The following PTPRD variants were observed in gnomAD, a reference collection of about 807,000 sequenced individuals.
PTPRD encodes receptor-type tyrosine-protein phosphatase delta.
Under a neutral mutation model 214.5 loss-of-function variants are expected in PTPRD, and 34 were observed. The observed-to-expected ratio is 0.16, with a 90% CI of 0.12 to 0.21. The LOEUF (loss-of-function observed/expected upper bound fraction) is 0.21, where lower values mean the gene tolerates loss of function less well. Ranked by LOEUF, PTPRD falls within the 10% of genes least tolerant of loss-of-function variation. The probability of loss-of-function intolerance (pLI) is 1.00; values close to 1 mark genes in which losing one functional copy is unlikely to be tolerated. For missense variants in PTPRD, 2,545 were observed against 2,398.7 expected (o/e 1.06, Z -1.27); for synonymous variants, 1,128 against 845.7 (o/e 1.33, Z -5.79).
intron 12 of PTPRD, among the ~76,000 whole-genome samples, chr9:8,727,456 G>A (rs1216260013): frequency 1.3e-5 from 2 of 152,114 alleles, no homozygotes; most frequent in Non-Finnish European, 2.9e-5. Flanking sequence ...AGGGGAGGAA[G>A]GAAGAGGGAG....
intron 3 of PTPRD, among the ~76,000 whole-genome samples, chr9:10,199,903 G>GCACACA (rs560068727): frequency 1.3e-5 from 2 of 149,334 alleles, no homozygotes; most frequent in African/African-American, 2.5e-5. Flanking sequence ...GCACTCGCGC[G>GCACACA]CACACACGCA....
chr9:8,500,558 GAAAAAAA>G (rs146807692), intron 24 of PTPRD, among the ~76,000 whole-genome samples, 189 bp downstream of exon 24: 124 of 14,250 alleles, frequency 8.7e-3, no homozygotes, highest in African/African-American at 0.035. Flanking sequence ...TGAAAAAAAT[GAAAAAAA>G]AAAAAAAAAA....
At chr9:9,567,601 T>C (rs1203283201) in intron 8 of PTPRD, among the ~76,000 whole-genome samples, 2 of 151,998 alleles carry the variant, frequency 1.3e-5, no homozygotes, top group Admixed American at 6.6e-5. Context: ...AAAGTATTAA[T>C]TCAAGAAGGA....
At chr9:8,840,026 A>G (rs12685598) in intron 11 of PTPRD, among the ~76,000 whole-genome samples, 3,005 of 152,346 alleles carry the variant, frequency 0.02, 85 homozygotes, top group South Asian at 0.088. Flanking sequence ...TATAAGCAAC[A>G]TATTTTTCCT....
At position 9,325,838 on chromosome 9, in the gene PTPRD, A is replaced by G. The variant is rs374405854; in HGVS notation, c.-203+71611T>C. On this transcript the variant is annotated intron_variant, in intron 9 of 45. Coordinates refer to ENST00000381196, the MANE Select transcript of PTPRD (RefSeq NM_002839.4). ...AATACTGGCTGTGGGCTTGTCATAAATAACTCTTATTATTTTGAGATATGT... is the reference window on the plus strand; with the variant it reads ...AATACTGGCTGTGGGCTTGTCATAAGTAACTCTTATTATTTTGAGATATGT... Among the ~76,000 whole-genome samples the G allele has an allele frequency of 9.2e-5, 14 of 152,322 alleles. No individual in the cohort carries two copies. In the East Asian group the frequency reaches 1.7e-3, roughly 19 times the overall value.
At chr9:10,154,577 A>G (rs2099082043) in intron 3 of PTPRD, among the ~76,000 whole-genome samples, 1 of 152,152 alleles carries the variant, frequency 6.6e-6, no homozygotes, top group African/African-American at 2.4e-5. Context: ...GTTGTCTTCC[A>G]GAGTTTTTAT....
chr9:10,029,737 A>G (rs2097016794), intron 4 of PTPRD, among the ~76,000 whole-genome samples: 2 of 152,122 alleles, frequency 1.3e-5, no homozygotes, highest in Admixed American at 1.3e-4. Context: ...GTCTCAGATG[A>G]GACTTTGGAC....
intron 3 of PTPRD, among the ~76,000 whole-genome samples, chr9:10,140,399 A>G (rs1384735634): frequency 6.6e-6 from 1 of 152,070 alleles, no homozygotes; most frequent in Admixed American, 6.6e-5. Flanking sequence ...AGACGCAACA[A>G]AAAATGATAA....
chr9:10,126,444 C>T lies in PTPRD; in HGVS notation c.-544-92654G>A, dbSNP rs1377214179. ...TTATATATACACACACACACACACA[C>T]ACACACACACACACACACATTGATA... On this transcript the variant is annotated intron_variant, in intron 3 of 45. Coordinates refer to ENST00000381196, the MANE Select transcript of PTPRD (RefSeq NM_002839.4). 4.7e-4 allele frequency among the ~76,000 whole-genome samples: 71 copies of T among 151,548 alleles called. 1 individual carries two copies. The highest frequency in any genetic ancestry group is 1.6e-3 in the African/African-American group (65 of 41,340).
intron 3 of PTPRD, among the ~76,000 whole-genome samples, chr9:10,092,102 C>T (rs927365852): frequency 6.6e-6 from 1 of 151,314 alleles, no homozygotes; most frequent in African/African-American, 2.4e-5. Flanking sequence ...GCCAGAGTTC[C>T]ATGCAACGAG....
chr9:9,345,920 T>C (rs1286037565), intron 9 of PTPRD, among the ~76,000 whole-genome samples: 2 of 152,202 alleles, frequency 1.3e-5, no homozygotes, highest in Non-Finnish European at 1.5e-5. Flanking sequence ...TAGTGGCTCT[T>C]TGATATTTCA....
chr9:9,329,582 C>T (rs2041529546), intron 9 of PTPRD, among the ~76,000 whole-genome samples: 1 of 152,160 alleles, frequency 6.6e-6, no homozygotes, highest in Non-Finnish European at 1.5e-5. Context: ...CATCCTAACC[C>T]CATAGCCTGC....
chr9:10,538,107 T>G (rs1212856649), intron 2 of PTPRD, among the ~76,000 whole-genome samples: 1 of 152,056 alleles, frequency 6.6e-6, no homozygotes, highest in Middle Eastern at 3.2e-3. Context: ...TAACTCTGAT[T>G]GGCCCAGCTT....
intron 2 of PTPRD, among the ~76,000 whole-genome samples, chr9:10,462,999 C>A (rs977638431): frequency 6.7e-6 from 1 of 150,020 alleles, no homozygotes; most frequent in African/African-American, 2.4e-5. Context: ...ATATATATGC[C>A]ATACTCATTT....
intron 10 of PTPRD, among the ~76,000 whole-genome samples, chr9:9,131,667 T>C (rs1238242497): frequency 3.3e-5 from 5 of 152,118 alleles, no homozygotes; most frequent in African/African-American, 1.2e-4. Flanking sequence ...TCTTAATTAA[T>C]TGAAATATCA....
At chr9:8,564,793 A>G (rs2088208398) in intron 14 of PTPRD, among the ~76,000 whole-genome samples, 1 of 152,166 alleles carries the variant, frequency 6.6e-6, no homozygotes, top group Non-Finnish European at 1.5e-5. Flanking sequence ...ATCCAAATGC[A>G]TATGTAGGTA....
intron 2 of PTPRD, among the ~76,000 whole-genome samples, chr9:10,513,079 T>C (rs1044870240): frequency 6.6e-6 from 1 of 152,052 alleles, no homozygotes; most frequent in African/African-American, 2.4e-5. Flanking sequence ...GAGGAGAAGA[T>C]GATCTTCAGT....
chr9:8,590,603 A>T (rs550359445), intron 14 of PTPRD, among the ~76,000 whole-genome samples: 12 of 152,292 alleles, frequency 7.9e-5, no homozygotes, highest in Admixed American at 5.2e-4. Context: ...TGTGTTCACT[A>T]ACTGGCACTA....
At chr9:9,913,785 T>C (rs2079894570) in intron 5 of PTPRD, among the ~76,000 whole-genome samples, 1 of 152,126 alleles carries the variant, frequency 6.6e-6, no homozygotes, top group Non-Finnish European at 1.5e-5. Flanking sequence ...GGGAATTCAT[T>C]ACCCTGGATT....
Sources: gnomAD v4.1 joint callset for allele counts (sites outside exome capture counted in the v4.1 genomes callset) on GRCh38, gnomAD v4.1.1 for gene constraint, MANE v1.5 for transcripts, NCBI Gene and HGNC (gene_info 2026-07-23, HGNC 2026-07-21) for gene names.